RRP1: variants seen among roughly 807,000 people sequenced by gnomAD.
RRP1 encodes ribosomal RNA processing 1, also known as ribosomal RNA processing protein 1 homolog A.
A neutral mutation model predicts 54.6 loss-of-function variants in RRP1; 37 were observed. The observed-to-expected ratio is 0.68, with a 90% CI of 0.52 to 0.89. RRP1 has a LOEUF of 0.89. Among genes scored for constraint, RRP1 ranks in the 40% least tolerant of loss-of-function variants. The pLI is 0.00. For synonymous variants in RRP1, 262 were observed against 244.3 expected (o/e 1.07, Z -0.67); for missense variants, 639 against 612.5 (o/e 1.04, Z -0.46).
intron 2 of RRP1, 80 bp downstream of exon 2, chr21:43,791,512 T>C: frequency 7.3e-7 from 1 of 1,368,018 alleles, no homozygotes; most frequent in Non-Finnish European, 1.0e-6. Flanking sequence ...AGTTTTTCTT[T>C]TTTTTTTAAG....
chr21:43,792,217 C>T (rs367959272), intron 2 of RRP1, among the ~76,000 whole-genome samples: 3 of 152,284 alleles, frequency 2.0e-5, no homozygotes, highest in East Asian at 3.9e-4. Flanking sequence ...TGTGAAATGT[C>T]CCTTAGCAAG....
intron 9 of RRP1, among the ~76,000 whole-genome samples, chr21:43,799,869 G>C (rs1326831904): frequency 1.3e-5 from 2 of 152,212 alleles, no homozygotes; most frequent in Non-Finnish European, 2.9e-5. Context: ...TGGGAAAGTG[G>C]GGCTGGGGCC....
intron 8 of RRP1, 40 bp from the exon 9 acceptor site, chr21:43,799,530 T>C: frequency 1.3e-6 from 2 of 1,588,946 alleles, no homozygotes; most frequent in Middle Eastern, 2.1e-4. Context: ...CCAGCACACG[T>C]TGGGCACAGG....
intron 2 of RRP1, among the ~76,000 whole-genome samples, chr21:43,792,424 G>A (rs529059873): frequency 6.6e-6 from 1 of 152,214 alleles, no homozygotes; most frequent in African/African-American, 2.4e-5. Flanking sequence ...CTGTGGTTGT[G>A]TGAGAGGCTG....
rs376297835 is a variant in RRP1 at position 43,798,397 on chromosome 21, G to A, written c.811+297G>A. 4.6e-5 allele frequency among the ~76,000 whole-genome samples: 7 copies of A among 152,074 alleles called. No individual in the cohort carries two copies. In the East Asian group the frequency reaches 1.4e-3, roughly 29 times the overall value. On this transcript the variant is annotated intron_variant, in intron 8 of 12. Transcript: ENST00000497547. ...CTAGACTCGTTCCTGCCTTGGTGCC[G>A]AGTCTCTCCGTCCCTCCCACCGTCT...
Position 43,791,441 on chromosome 21 carries a change from G to C in RRP1, c.216+9G>C. 1 of 1,612,648 alleles carries C rather than the reference G, an allele frequency of 6.2e-7. No homozygotes were observed. The highest frequency in any genetic ancestry group is 8.5e-7 in the Non-Finnish European group (1 of 1,178,718). ...ACAAGCCACTCCTCCAGGTGAGTGG[G>C]GGGAGCAGCAGAGCAGGTACAGAAG... On this transcript the variant is annotated intron_variant, in intron 2 of 12. Transcript: ENST00000497547.
chr21:43,792,669 C>T lies in RRP1; in HGVS notation c.217-3C>T, dbSNP rs1442896473. The T allele has an allele frequency of 5.0e-6, 8 of 1,614,142 alleles. No homozygotes were observed. The highest frequency in any genetic ancestry group is 6.8e-6 in the Non-Finnish European group (8 of 1,180,014). ...GAGGGCGTTTTTGTTGTTTCCTACA[C>T]AGGAAGAATTAGGAAGGACTATTTC... On this transcript the variant is annotated splice_region_variant and splice_polypyrimidine_tract_variant and intron_variant, in intron 2 of 12. Transcript: ENST00000497547.
intron 1 of RRP1, chr21:43,791,002 A>G (rs1284680394): frequency 1.5e-5 from 7 of 470,848 alleles, no homozygotes; most frequent in Non-Finnish European, 2.5e-5. Context: ...TGCTGGATGA[A>G]TTATCACCAA....
At chr21:43,790,787 C>T in intron 1 of RRP1, 1 of 306,660 alleles carries the variant, frequency 3.3e-6, no homozygotes, top group South Asian at 2.7e-5. Flanking sequence ...TGGGGTCTTC[C>T]TATGTTGCCC....
chr21:43,802,616 T>C lies in RRP1; in HGVS notation c.1123+229T>C, dbSNP rs1046766332. ...CCTTGTCTGCAGCTCCCCCGAGCTG[T>C]GTGCGCTGCCCTCCCTCCCGGTCTG... On this transcript the variant is annotated intron_variant, in intron 12 of 12. Transcript: ENST00000497547. 1.1e-5 allele frequency: 6 copies of C among 524,082 alleles called. No homozygotes were observed. The Admixed American group carries it at 1.6e-4, about 14-fold the overall frequency. 32.5% of individuals were successfully genotyped at this position (524,082 alleles called of 1,614,324 possible). A position where few individuals can be genotyped will look rare whatever the true frequency, so the allele number is the denominator to read the frequency against.
intron 5 of RRP1, among the ~76,000 whole-genome samples, chr21:43,796,921 G>A (rs994272404): frequency 3.3e-5 from 5 of 152,306 alleles, no homozygotes; most frequent in Admixed American, 6.5e-5. Flanking sequence ...GTTGGAATGC[G>A]TCGTGCGGCA....
intron 9 of RRP1, 106 bp downstream of exon 9, chr21:43,799,755 GCATGGAGAGTTAC>G: frequency 9.1e-7 from 1 of 1,098,586 alleles, no homozygotes; most frequent in Non-Finnish European, 1.3e-6. Context: ...GCAGCTGTTG[GCATGGAGAGTTAC>G]CCGGACAGGG....
chr21:43,791,635 T>C (rs1233791820), intron 2 of RRP1, among the ~76,000 whole-genome samples: 4 of 152,170 alleles, frequency 2.6e-5, no homozygotes, highest in Non-Finnish European at 5.9e-5. Flanking sequence ...CCCAAGTAGC[T>C]GGGAGTACAG....
chr21:43,793,795 A>G (rs1364496621), intron 4 of RRP1, among the ~76,000 whole-genome samples: 1 of 152,192 alleles, frequency 6.6e-6, no homozygotes, highest in Non-Finnish European at 1.5e-5. Flanking sequence ...TTAGCCTGCG[A>G]GGCTGGGATG....
chr21:43,790,420 G>T (rs2084945034), intron 1 of RRP1: 1 of 152,944 alleles, frequency 6.5e-6, no homozygotes, highest in Non-Finnish European at 1.5e-5. Context: ...AGAAATGCAA[G>T]TTCTAGGATC....
chr21:43,801,013 G>A, intron 11 of RRP1, 132 bp downstream of exon 11: 1 of 988,258 alleles, frequency 1.0e-6, no homozygotes, highest in East Asian at 2.4e-5. Flanking sequence ...GTGTTTCTGA[G>A]GGACAGGGAG....
At position 43,803,525 on chromosome 21, in the gene RRP1, G is replaced by A. The variant is rs1370628332; in HGVS notation, c.1137G>A (p.Lys379=). ...CTGTTTTGTCAGGGAAAGGTGAGAA[G>A]GAGCCCCCGAGCCCGGGCATGGAGA... ...RLQQERGKGE[K]EPPSPGMERK... is the part of the protein sequence containing the mutation. The change falls in exon 13 of 13, where the codon AAG becomes AAA. Residue 379 remains lysine (K), a synonymous_variant. Coordinates refer to ENST00000497547, the MANE Select transcript of RRP1 (RefSeq NM_003683.6). 1 of 1,556,050 alleles carries A rather than the reference G, an allele frequency of 6.4e-7. No homozygotes were observed. Among genetic ancestry groups the A allele is most frequent in the Non-Finnish European group, 8.7e-7 (1 of 1,148,854 alleles).
chr21:43,803,715 G>T lies in RRP1; in HGVS notation c.1327G>T (p.Ala443Ser). The T allele has an allele frequency of 6.4e-7, 1 of 1,562,586 alleles. No individual in the cohort carries two copies. The highest frequency in any genetic ancestry group is 8.7e-7 in the Non-Finnish European group (1 of 1,153,242). ...GAGGACACCTCGGCCCCTGACCAGT[G>T]CCCGAGCAAAGGCGGCCAATGTCCA... ...RRRTPRPLTS[A>S]RAKAANVQEP... is the part of the protein sequence containing the mutation. The change falls in exon 13 of 13, where the codon GCC becomes TCC. Residue 443 changes from alanine (A) to serine (S), a missense_variant. Transcript: ENST00000497547.
At chr21:43,790,708 C>T (rs1022955049) in intron 1 of RRP1, 1 of 252,178 alleles carries the variant, frequency 4.0e-6, no homozygotes, top group South Asian at 4.0e-5. Context: ...CCATCTCAGC[C>T]TCCCCAATAG....
Sources: allele counts gnomAD v4.1 joint callset (sites outside exome capture counted in the v4.1 genomes callset), GRCh38; gene constraint gnomAD v4.1.1; transcripts MANE v1.5; gene names NCBI Gene and HGNC (gene_info 2026-07-23, HGNC 2026-07-21).